The following SNTB1 variants were observed in gnomAD, a reference collection of about 807,000 sequenced individuals.
SNTB1 encodes syntrophin beta 1.
In SNTB1, 36 loss-of-function variants were observed where a neutral mutation model predicts 48.9. The ratio of observed to expected loss-of-function variants is 0.74; its 90% confidence interval spans 0.56 to 0.97. SNTB1 has a LOEUF of 0.97. Ranked by LOEUF, SNTB1 falls within the 50% of genes least tolerant of loss-of-function variation. SNTB1 has a pLI of 0.00. For missense variants in SNTB1, 786 were observed against 703.4 expected (o/e 1.12, Z -1.33); for synonymous variants, 299 against 294.6 (o/e 1.01, Z -0.15).
At chr8:120,601,602 CA>C (rs1476530526) in intron 3 of SNTB1, among the ~76,000 whole-genome samples, 3 of 152,170 alleles carry the variant, frequency 2.0e-5, no homozygotes, top group Admixed American at 6.5e-5. Flanking sequence ...TCTTGTGTCT[CA>C]CTCCATCCCT....
rs376143201 is a variant in SNTB1 at position 120,737,056 on chromosome 8, C to T, written c.572-43148G>A. 2.0e-3 allele frequency among the ~76,000 whole-genome samples: 299 copies of T among 152,266 alleles called. 3 individuals are homozygous for T. In the South Asian group the frequency reaches 0.021, roughly 11 times the overall value. The stretch of plus-strand genomic sequence containing the variant: ...ATATTAGCATGATGGAGCGGCAGTC[C>T]AAGTGATAGATCCATCTTCAACTTG... On this transcript the variant is annotated intron_variant, in intron 1 of 6. Transcript: ENST00000517992.
intron 4 of SNTB1, among the ~76,000 whole-genome samples, chr8:120,552,805 T>C (rs916154965): frequency 2.8e-4 from 43 of 152,234 alleles, no homozygotes; most frequent in African/African-American, 9.6e-4. Flanking sequence ...ATTATTACAT[T>C]GTAATATATA....
intron 4 of SNTB1, among the ~76,000 whole-genome samples, chr8:120,574,375 C>A (rs1815913546): frequency 6.6e-6 from 1 of 151,398 alleles, no homozygotes; most frequent in South Asian, 2.1e-4. Context: ...GTTGTTATCA[C>A]AAAAAATAAA....
intron 4 of SNTB1, 94 bp from the exon 5 acceptor site, chr8:120,549,052 C>G: frequency 1.0e-6 from 1 of 999,312 alleles, no homozygotes; most frequent in East Asian, 2.6e-5. Flanking sequence ...GTGATCTGCT[C>G]TCATTTTTCT....
intron 2 of SNTB1, among the ~76,000 whole-genome samples, chr8:120,643,387 T>C (rs1817230108): frequency 6.6e-6 from 1 of 152,184 alleles, no homozygotes; most frequent in Non-Finnish European, 1.5e-5. Flanking sequence ...CAGTGTACAC[T>C]GTACCCAATG....
chr8:120,801,607 G>T (rs1431224551), intron 1 of SNTB1, among the ~76,000 whole-genome samples: 1 of 151,882 alleles, frequency 6.6e-6, no homozygotes, highest in Non-Finnish European at 1.5e-5. Flanking sequence ...AATATTGTAT[G>T]ACTATTATGC....
At position 120,559,291 on chromosome 8, in the gene SNTB1, G is replaced by T. The variant is rs562635293; in HGVS notation, c.1137-10333C>A. ...TAACTTGGTTGTTTAGGGAGGTAGA[G>T]TTACCTTCTTTTGGTCTGGGGGATA... is the stretch of plus-strand genomic sequence containing the variant. On this transcript the variant is annotated intron_variant, in intron 4 of 6. Coordinates refer to ENST00000517992, the MANE Select transcript of SNTB1 (RefSeq NM_021021.4). 2.0e-5 allele frequency among the ~76,000 whole-genome samples: 3 copies of T among 152,306 alleles called. No homozygotes were observed. In the South Asian group the frequency reaches 6.2e-4, roughly 32 times the overall value.
intron 3 of SNTB1, among the ~76,000 whole-genome samples, chr8:120,600,124 A>T (rs748381938): frequency 3.9e-5 from 6 of 152,208 alleles, no homozygotes; most frequent in Non-Finnish European, 7.3e-5. Context: ...TCCATCAAGA[A>T]GTAGAGTCTC....
At chr8:120,695,216 G>A (rs1818192462) in intron 1 of SNTB1, among the ~76,000 whole-genome samples, 1 of 152,150 alleles carries the variant, frequency 6.6e-6, no homozygotes, top group Non-Finnish European at 1.5e-5. Context: ...GCCAACTAGG[G>A]GGCATTTCCT....
chr8:120,809,054 C>A (rs1820385820), intron 1 of SNTB1, among the ~76,000 whole-genome samples: 1 of 152,198 alleles, frequency 6.6e-6, no homozygotes, highest in African/African-American at 2.4e-5. Flanking sequence ...GGTATGTCTT[C>A]TTAAAAAGCC....
chr8:120,737,572 T>A (rs1818969847), intron 1 of SNTB1, among the ~76,000 whole-genome samples: 1 of 152,126 alleles, frequency 6.6e-6, no homozygotes, highest in South Asian at 2.1e-4. Flanking sequence ...AGAGATCTAA[T>A]CACAAGCAAT....
chr8:120,727,786 A>G (rs1029305589), intron 1 of SNTB1, among the ~76,000 whole-genome samples: 1 of 152,188 alleles, frequency 6.6e-6, no homozygotes, highest in African/African-American at 2.4e-5. Context: ...TTGCTGGGCT[A>G]ATAAATATGG....
intron 1 of SNTB1, among the ~76,000 whole-genome samples, chr8:120,756,267 A>G (rs189598297): frequency 2.4e-4 from 37 of 152,322 alleles, no homozygotes; most frequent in Admixed American, 5.9e-4. Flanking sequence ...TGGAATGTAC[A>G]TTCCATGAGG....
intron 3 of SNTB1, among the ~76,000 whole-genome samples, chr8:120,582,798 T>C (rs1816071083): frequency 6.6e-6 from 1 of 151,868 alleles, no homozygotes; most frequent in Non-Finnish European, 1.5e-5. Context: ...TTAGGACAAA[T>C]ACCTAATGCA....
chr8:120,599,393 G>A (rs1193101749), intron 3 of SNTB1, among the ~76,000 whole-genome samples: 2 of 152,218 alleles, frequency 1.3e-5, no homozygotes, highest in Non-Finnish European at 2.9e-5. Flanking sequence ...GACCTTGTGT[G>A]CACATGCAGA....
intron 1 of SNTB1, among the ~76,000 whole-genome samples, chr8:120,765,566 C>T (rs1819506963): frequency 6.6e-6 from 1 of 152,078 alleles, no homozygotes; most frequent in Admixed American, 6.6e-5. Context: ...TTTGCTGCAT[C>T]ATCCTATGGT....
At chr8:120,619,170 A>G (rs916713254) in intron 3 of SNTB1, among the ~76,000 whole-genome samples, 1 of 152,180 alleles carries the variant, frequency 6.6e-6, no homozygotes, top group African/African-American at 2.4e-5. Flanking sequence ...TCATTTTTAT[A>G]CTAATTTAAA....
intron 3 of SNTB1, among the ~76,000 whole-genome samples, chr8:120,630,123 A>G (rs958915683): frequency 2.0e-5 from 3 of 152,264 alleles, no homozygotes; most frequent in Admixed American, 1.3e-4. Flanking sequence ...TGTGTTGGCC[A>G]GCCTCCCTTT....
At chr8:120,675,778 A>G (rs1817823967) in intron 2 of SNTB1, among the ~76,000 whole-genome samples, 1 of 152,212 alleles carries the variant, frequency 6.6e-6, no homozygotes, top group Non-Finnish European at 1.5e-5. Context: ...TATCTTTGCC[A>G]CAATTCCCCA....
Sources: gnomAD v4.1 joint callset for allele counts (sites outside exome capture counted in the v4.1 genomes callset) on GRCh38, gnomAD v4.1.1 for gene constraint, MANE v1.5 for transcripts, NCBI Gene and HGNC (gene_info 2026-07-23, HGNC 2026-07-21) for gene names.